ERBB4: variants seen among roughly 807,000 people sequenced by gnomAD.
ERBB4 encodes the protein erb-b2 receptor tyrosine kinase 4.
In ERBB4, 42 loss-of-function variants were observed where a neutral mutation model predicts 158.0. That is an observed-to-expected ratio of 0.27 (90% CI 0.21 to 0.34). The LOEUF is 0.34. Among genes scored for constraint, ERBB4 ranks in the 10% least tolerant of loss-of-function variants. The pLI is 1.00. For missense variants in ERBB4, 1,333 were observed against 1,624.1 expected (o/e 0.82, Z 3.08); for synonymous variants, 583 against 558.7 (o/e 1.04, Z -0.61).
At chr2:212,484,624 A>C (rs1689881636) in intron 1 of ERBB4, among the ~76,000 whole-genome samples, 1 of 152,236 alleles carries the variant, frequency 6.6e-6, no homozygotes, top group South Asian at 2.1e-4. Flanking sequence ...TAAAACAAAC[A>C]AACAAAAACC....
At chr2:211,744,333 A>G (rs988903306) in intron 5 of ERBB4, among the ~76,000 whole-genome samples, 4 of 152,196 alleles carry the variant, frequency 2.6e-5, no homozygotes, top group Non-Finnish European at 4.4e-5. Flanking sequence ...AATATAAAAG[A>G]TTTTACTGAA....
At chr2:211,805,740 G>A (rs1243980084) in intron 3 of ERBB4, among the ~76,000 whole-genome samples, 1 of 151,920 alleles carries the variant, frequency 6.6e-6, no homozygotes, top group East Asian at 1.9e-4. Context: ...TAATTCAGAA[G>A]CTAGTATCTA....
intron 25 of ERBB4, among the ~76,000 whole-genome samples, chr2:211,394,217 AAAAG>A (rs1305945247): frequency 6.6e-6 from 1 of 152,162 alleles, no homozygotes. Flanking sequence ...GCACAGTCAA[AAAAG>A]AAAGGGCATA....
rs186764836 is a variant in ERBB4 at position 211,643,924 on chromosome 2, T to A, written c.1947-13330A>T. Among the ~76,000 whole-genome samples the A allele has an allele frequency of 4.7e-4, 71 of 152,136 alleles. No homozygotes were observed. In the East Asian group the frequency reaches 0.014, roughly 29 times the overall value. On this transcript the variant is annotated intron_variant, in intron 16 of 27. Transcript: ENST00000342788. ...AGTAATAAAATTCAAAAGTAGTAAATGTTTCCTGAACTTACACACCTCAAG... is the reference window on the plus strand; with the variant it reads ...AGTAATAAAATTCAAAAGTAGTAAAAGTTTCCTGAACTTACACACCTCAAG...
At chr2:211,784,482 A>G (rs2076110375) in intron 4 of ERBB4, among the ~76,000 whole-genome samples, 1 of 151,970 alleles carries the variant, frequency 6.6e-6, no homozygotes, top group East Asian at 1.9e-4. Context: ...TATATACTGC[A>G]TTTTGTTTAT....
chr2:211,804,495 G>C (rs1375685531), intron 3 of ERBB4, among the ~76,000 whole-genome samples: 1 of 152,078 alleles, frequency 6.6e-6, no homozygotes, highest in African/African-American at 2.4e-5. Flanking sequence ...GAATCCAATA[G>C]GCCAATACAA....
chr2:212,398,060 A>G (rs569882771), intron 1 of ERBB4, among the ~76,000 whole-genome samples: 18 of 151,946 alleles, frequency 1.2e-4, no homozygotes, highest in African/African-American at 4.3e-4. Flanking sequence ...ACTCATATAT[A>G]TATAAATTAA....
chr2:212,081,279 T>C (rs2078434772), intron 2 of ERBB4, among the ~76,000 whole-genome samples: 4 of 152,090 alleles, frequency 2.6e-5, no homozygotes, highest in Admixed American at 2.6e-4. Flanking sequence ...AGAGATGAAA[T>C]GAAATTAAGC....
chr2:211,583,985 G>T (rs1400475026), intron 19 of ERBB4, among the ~76,000 whole-genome samples: 1 of 148,506 alleles, frequency 6.7e-6, no homozygotes, highest in East Asian at 2.0e-4. Flanking sequence ...TCTTTGAAAA[G>T]AATTTAAAAA....
At position 211,788,095 on chromosome 2, in the gene ERBB4, A is replaced by T; in HGVS notation, c.486T>A (p.His162Gln). The change falls in exon 4 of 28, where the codon CAT becomes CAA. Residue 162 changes from histidine to glutamine, a missense_variant. This residue lies in a region of ERBB4 where 438 missense variants were observed against 586.9 expected (regional missense o/e 0.75). Transcript: ENST00000342788. ...NKFLCYADTI[H>Q]WQDIVRNPWP... ...ATGGGTTCCGAACAATATCTTGCCA[A>T]TGAATGGTGTCTGCATAACAAAGGA... The T allele has an allele frequency of 6.2e-7, 1 of 1,612,764 alleles. No homozygotes were observed.
At chr2:211,672,372 G>A (rs1216286694) in intron 14 of ERBB4, among the ~76,000 whole-genome samples, 2 of 151,992 alleles carry the variant, frequency 1.3e-5, no homozygotes, top group African/African-American at 4.8e-5. Context: ...AATTTATACT[G>A]ATCTCATTAT....
chr2:212,327,544 G>A (rs7562782), intron 1 of ERBB4, among the ~76,000 whole-genome samples: 115,716 of 151,648 alleles, frequency 0.76, 44,354 homozygotes, highest in Middle Eastern at 0.79. Flanking sequence ...TGATCTCCTG[G>A]TCTTGAATTC....
rs564845176 is a variant in ERBB4, at chr2:211,623,044, T to A, written c.2202+878A>T. On this transcript the variant is annotated intron_variant, in intron 18 of 27. Transcript: ENST00000342788. ...ATATATATATATATATATATATATA[T>A]AAAATGCCAAAGTAACTTTTGGGAA... Among the ~76,000 whole-genome samples the A allele has an allele frequency of 4.4e-4, 38 of 86,124 alleles. 1 individual carries two copies. Among genetic ancestry groups the A allele is most frequent in the South Asian group, 2.3e-3 (5 of 2,212 alleles). The allele number at this position is 86,124 out of a possible 152,430, so 56.5% of individuals were successfully genotyped here.
chr2:211,735,005 C>T (rs531460353), intron 5 of ERBB4, among the ~76,000 whole-genome samples: 6 of 148,984 alleles, frequency 4.0e-5, no homozygotes, highest in African/African-American at 7.5e-5. Flanking sequence ...AAGTGATAGA[C>T]GAATAGACAT....
rs1360910293 is a variant in ERBB4 at position 211,384,018 on chromosome 2, C to T, written c.3524G>A (p.Arg1175Lys). The change falls in exon 28 of 28, where the codon AGA (arginine) becomes AAA (lysine). Residue 1175 changes from arginine (R) to lysine (K), a missense_variant. By Grantham distance (26) the Arg-to-Lys change is conservative. This residue lies in a region of ERBB4 where 252 missense variants were observed against 241.3 expected (regional missense o/e 1.04). Transcript: ENST00000342788. ...PVEENPFVSRRKNGDLQALDN... is the reference protein window; with the variant it reads ...PVEENPFVSRKKNGDLQALDN... ...CAATGCTTGAAGGTCTCCATTTTTTCTCCGAGAAACAAAAGGGTTCTCCTC... is the reference window on the plus strand; with the variant it reads ...CAATGCTTGAAGGTCTCCATTTTTTTTCCGAGAAACAAAAGGGTTCTCCTC... 3 of 1,613,916 alleles carry T rather than the reference C, an allele frequency of 1.9e-6. No individual in the cohort carries two copies. The highest frequency in any genetic ancestry group is 8.5e-7 in the Non-Finnish European group (1 of 1,179,902).
At chr2:212,414,995 C>G (rs561669105) in intron 1 of ERBB4, among the ~76,000 whole-genome samples, 1 of 152,306 alleles carries the variant, frequency 6.6e-6, no homozygotes, top group East Asian at 1.9e-4. Context: ...GCTAATTCAA[C>G]TAGGAGTAAC....
intron 20 of ERBB4, among the ~76,000 whole-genome samples, chr2:211,438,614 T>C (rs2063907395): frequency 6.6e-6 from 1 of 152,222 alleles, no homozygotes; most frequent in Non-Finnish European, 1.5e-5. Context: ...AAATTTATCT[T>C]ATTAAAAATA....
rs183079645 is a variant in ERBB4, at chr2:211,578,101, G to A, written c.2302-16013C>T. ...TCTTAAGCTGATAAGCAACTTCAGC[G>A]AAGTCTCAGGATATAAAATCGGTGT... On this transcript the variant is annotated intron_variant, in intron 19 of 27. Coordinates refer to ENST00000342788, the MANE Select transcript of ERBB4 (RefSeq NM_005235.3). 2.8e-3 allele frequency among the ~76,000 whole-genome samples: 427 copies of A among 152,160 alleles called. 1 individual carries two copies. Among genetic ancestry groups the A allele is most frequent in the Middle Eastern group, 0.01 (3 of 294 alleles).
chr2:212,498,694 T>A (rs1001097284), intron 1 of ERBB4, among the ~76,000 whole-genome samples: 16 of 152,222 alleles, frequency 1.1e-4, no homozygotes, highest in Admixed American at 8.5e-4. Flanking sequence ...TTTTGGGAAA[T>A]ACATCAGGAT....
Sources: gnomAD v4.1 joint callset for allele counts (sites outside exome capture counted in the v4.1 genomes callset) on GRCh38, gnomAD v4.1.1 for gene constraint, gnomAD v4.1.1 regional missense constraint, MANE v1.5 for transcripts, NCBI Gene and HGNC (gene_info 2026-07-23, HGNC 2026-07-21) for gene names.